PGAP1: variants seen among roughly 807,000 people sequenced by gnomAD.
The protein encoded by PGAP1 is GPI inositol-deacylase.
A neutral mutation model predicts 127.0 loss-of-function variants in PGAP1; 76 were observed. The observed-to-expected ratio is 0.60, with a 90% confidence interval of 0.50 to 0.72. The LOEUF is 0.72. Ranked by LOEUF, PGAP1 falls within the 30% of genes least tolerant of loss-of-function variation. The probability of loss-of-function intolerance (pLI) is 0.00; values close to 1 mark genes in which losing one functional copy is unlikely to be tolerated. For synonymous variants in PGAP1, 362 were observed against 366.5 expected (o/e 0.99, Z 0.14); for missense variants, 982 against 1,071.3 (o/e 0.92, Z 1.16).
intron 5 of PGAP1, among the ~76,000 whole-genome samples, chr2:196,900,372 A>C (rs1267369166): frequency 6.6e-6 from 1 of 152,206 alleles, no homozygotes; most frequent in African/African-American, 2.4e-5. Context: ...TCTTGATACA[A>C]TTATGGTCTC....
intron 9 of PGAP1, among the ~76,000 whole-genome samples, chr2:196,891,204 C>T (rs1292952511): frequency 3.3e-5 from 5 of 152,084 alleles, no homozygotes; most frequent in South Asian, 2.1e-4. Flanking sequence ...CAGTTCTTAG[C>T]TCTGGCCATT....
chr2:196,880,533 A>T (rs1430030531), intron 12 of PGAP1, among the ~76,000 whole-genome samples: 1 of 152,156 alleles, frequency 6.6e-6, no homozygotes, highest in Non-Finnish European at 1.5e-5. Context: ...TTTTGGTAGT[A>T]TATAACACAA....
In PGAP1 at chr2:196,926,453, A is replaced by C; in HGVS notation, c.147+17T>G. The C allele has an allele frequency of 1.2e-6, 2 of 1,613,706 alleles. No homozygotes were observed. Among genetic ancestry groups the C allele is most frequent in the Non-Finnish European group, 1.7e-6 (2 of 1,179,802 alleles). On this transcript the variant is annotated intron_variant, in intron 1 of 26. Transcript: ENST00000354764. ...AGAGTCTTGGAGCGCCCGGCTGAGGAGAGGGCAGAACCTTACCTGATACTC... is the reference window on the plus strand; with the variant it reads ...AGAGTCTTGGAGCGCCCGGCTGAGGCGAGGGCAGAACCTTACCTGATACTC...
At chr2:196,889,720 A>G (rs1256961810) in intron 10 of PGAP1, among the ~76,000 whole-genome samples, 2 of 151,660 alleles carry the variant, frequency 1.3e-5, no homozygotes, top group African/African-American at 2.4e-5. Flanking sequence ...TTAGCCAGGC[A>G]TGGTGGCAAG....
intron 23 of PGAP1, among the ~76,000 whole-genome samples, chr2:196,845,327 A>G (rs1049400036): frequency 6.6e-6 from 1 of 151,542 alleles, no homozygotes; most frequent in South Asian, 2.1e-4. Flanking sequence ...TAACATGGAG[A>G]GAATACACTT....
In PGAP1 at chr2:196,914,580, C is replaced by T. The variant is rs953145129; in HGVS notation, c.478-1527G>A. 2.2e-4 allele frequency among the ~76,000 whole-genome samples: 33 copies of T among 152,038 alleles called. 1 individual carries two copies. The highest frequency in any genetic ancestry group is 6.6e-5 in the Admixed American group (1 of 15,252). ...AGGTTGCAGTGAGCTGAGATTGCAC[C>T]ACTGTACTCCAGCCTGGTGACAGAG... On this transcript the variant is annotated intron_variant, in intron 3 of 26. Coordinates refer to ENST00000354764, the MANE Select transcript of PGAP1 (RefSeq NM_024989.4).
rs1041855527 is a variant in PGAP1 at position 196,840,177 on chromosome 2, C to T, written c.*1057G>A. Reference sequence around the variant, plus strand: ...TGTTAAACCTAGTGGCTAATGTCTCCAATTTATTCAGGTGTACTGTTTATA... The same window carrying T: ...TGTTAAACCTAGTGGCTAATGTCTCTAATTTATTCAGGTGTACTGTTTATA... On this transcript the variant is annotated 3_prime_UTR_variant, in exon 27 of 27. Coordinates refer to ENST00000354764, the MANE Select transcript of PGAP1 (RefSeq NM_024989.4). 2.0e-5 allele frequency: 3 copies of T among 152,096 alleles called. No homozygotes were observed. Among genetic ancestry groups the T allele is most frequent in the African/African-American group, 4.8e-5 (2 of 41,404 alleles). The allele number at this position is 152,096 out of a possible 1,614,324, so 9.4% of individuals were successfully genotyped here. A position where few individuals can be genotyped will look rare whatever the true frequency, so the allele number is the denominator to read the frequency against.
rs183263148 is a variant in PGAP1, at chr2:196,876,785, T to C, written c.1351-964A>G. On this transcript the variant is annotated intron_variant, in intron 13 of 26. Coordinates refer to ENST00000354764, the MANE Select transcript of PGAP1 (RefSeq NM_024989.4). ...GCCTCTTGGGTAGATTTTTGATTGTTTTCAAAAGTGAAAAACAGACAGGGA... is the reference window on the plus strand; with the variant it reads ...GCCTCTTGGGTAGATTTTTGATTGTCTTCAAAAGTGAAAAACAGACAGGGA... Among the ~76,000 whole-genome samples the C allele has an allele frequency of 2.8e-3, 430 of 152,178 alleles. 2 individuals carry two copies. Among genetic ancestry groups the C allele is most frequent in the African/African-American group, 9.8e-3 (406 of 41,544 alleles).
chr2:196,916,793 A>G (rs1215819780), intron 2 of PGAP1, among the ~76,000 whole-genome samples, 200 bp from the exon 3 acceptor site: 1 of 152,214 alleles, frequency 6.6e-6, no homozygotes, highest in Non-Finnish European at 1.5e-5. Flanking sequence ...AGTGTGTCAT[A>G]AATATTTTTA....
intron 26 of PGAP1, among the ~76,000 whole-genome samples, 155 bp from the exon 27 acceptor site, chr2:196,841,527 T>G (rs542114306): frequency 1.2e-4 from 18 of 152,352 alleles, no homozygotes; most frequent in Non-Finnish European, 2.5e-4. Flanking sequence ...AATTTCTTTT[T>G]TTATTTTTGA....
In PGAP1 at chr2:196,844,594, C is replaced by T. The variant is rs1206282005; in HGVS notation, c.2287-20G>A. On this transcript the variant is annotated intron_variant, in intron 23 of 26. Transcript: ENST00000354764. ...AACAACCTAAGAAAAATAAATTGCT[C>T]TTTAATTTTACTTTTATTTTGAAAC... is the stretch of plus-strand genomic sequence containing the variant. 1 of 1,553,364 alleles carries T rather than the reference C, an allele frequency of 6.4e-7. No homozygotes were observed. The highest frequency in any genetic ancestry group is 1.2e-5 in the South Asian group (1 of 82,496).
At chr2:196,915,019 T>C (rs1702958636) in intron 3 of PGAP1, among the ~76,000 whole-genome samples, 1 of 152,144 alleles carries the variant, frequency 6.6e-6, no homozygotes, top group South Asian at 2.1e-4. Flanking sequence ...GGTCTCACTA[T>C]GTTGCCTAGG....
intron 8 of PGAP1, 79 bp downstream of exon 8, chr2:196,893,061 T>C (rs1702155905): frequency 1.4e-6 from 1 of 726,684 alleles, no homozygotes; most frequent in African/African-American, 1.8e-5. Flanking sequence ...TTCAAAGATT[T>C]TGTCTGCTAT....
chr2:196,924,102 A>G (rs1444159781), intron 1 of PGAP1, among the ~76,000 whole-genome samples: 1 of 152,236 alleles, frequency 6.6e-6, no homozygotes, highest in African/African-American at 2.4e-5. Context: ...GAGATAATCA[A>G]ACAATTTTAA....
At chr2:196,900,542 G>A (rs938980949) in intron 5 of PGAP1, among the ~76,000 whole-genome samples, 5 of 152,154 alleles carry the variant, frequency 3.3e-5, no homozygotes, top group Non-Finnish European at 7.4e-5. Context: ...TAAATCTTAG[G>A]TTATACAATG....
chr2:196,898,075 G>T (rs376085959), intron 6 of PGAP1, among the ~76,000 whole-genome samples: 1 of 152,224 alleles, frequency 6.6e-6, no homozygotes, highest in Non-Finnish European at 1.5e-5. Flanking sequence ...AAAATTAGCC[G>T]GCATGATGGC....
At chr2:196,894,085 T>C (rs901771511) in intron 7 of PGAP1, among the ~76,000 whole-genome samples, 2 of 152,228 alleles carry the variant, frequency 1.3e-5, no homozygotes, top group Admixed American at 1.3e-4. Context: ...TAACAACTCT[T>C]ACCAGGAGAA....
Position 196,922,672 on chromosome 2 carries a change from CTTTT to C in PGAP1, c.148-2526_148-2523del, listed in dbSNP as rs763237138. On this transcript the variant is annotated intron_variant, in intron 1 of 26. Coordinates refer to ENST00000354764, the MANE Select transcript of PGAP1 (RefSeq NM_024989.4). Reference sequence around the variant, plus strand: ...ATCTGGCTCTAATTATTCTTACCTACTTTTTTTTTTTTTTTTTTTTTTTTTGAGA... The same window carrying C: ...ATCTGGCTCTAATTATTCTTACCTACTTTTTTTTTTTTTTTTTTTTTGAGA... 5.4e-4 allele frequency: 62 copies of C among 115,252 alleles called. 1 individual carries two copies. Among genetic ancestry groups the C allele is most frequent in the African/African-American group, 1.1e-3 (29 of 26,296 alleles). 7.1% of individuals were successfully genotyped at this position (115,252 alleles called of 1,614,324 possible).
intron 26 of PGAP1, 118 bp downstream of exon 26, chr2:196,842,603 T>C (rs1700444760): frequency 9.2e-6 from 4 of 434,142 alleles, no homozygotes; most frequent in Non-Finnish European, 1.6e-5. Flanking sequence ...CATAATACTA[T>C]TATGGCTTTA....
Sources: allele counts gnomAD v4.1 joint callset (sites outside exome capture counted in the v4.1 genomes callset), GRCh38; gene constraint gnomAD v4.1.1; transcripts MANE v1.5; gene names NCBI Gene and HGNC (gene_info 2026-07-23, HGNC 2026-07-21).